The following CDCA2 variants were observed in gnomAD, a reference collection of about 807,000 sequenced individuals.
CDCA2 encodes the protein cell division cycle-associated protein 2.
CDCA2 carries 44 observed loss-of-function variants against 67.0 expected under a neutral mutation model. The ratio of observed to expected loss-of-function variants is 0.66; its 90% CI spans 0.52 to 0.84. The LOEUF (loss-of-function observed/expected upper bound fraction) is 0.84. CDCA2 is among the 40% of genes least tolerant of loss of function. CDCA2 has a pLI of 0.00. For synonymous variants in CDCA2, 447 were observed against 418.7 expected (o/e 1.07, Z -0.82); for missense variants, 1,253 against 1,203.2 (o/e 1.04, Z -0.61).
Position 25,488,645 on chromosome 8 carries a change from C to A in CDCA2, c.1627C>A (p.Gln543Lys). 6.2e-7 allele frequency: 1 copy of A among 1,612,430 alleles called. No homozygotes were observed. Among genetic ancestry groups the A allele is most frequent in the Admixed American group, 1.7e-5 (1 of 59,800 alleles). The change falls in exon 13 of 15, where the codon CAA (glutamine) becomes AAA (lysine). Residue 543 changes from glutamine (Q) to lysine (K), a missense_variant. Coordinates refer to ENST00000330560, the MANE Select transcript of CDCA2 (RefSeq NM_152562.4). ...AAAGAAAATTAATAGGAGGAAGTCT[C>A]AAGAAACAAAGTGTACAAAGAGAGC... ...KEKKINRRKS[Q>K]ETKCTKRALP...
At chr8:25,472,608 C>T (rs950611993) in intron 7 of CDCA2, among the ~76,000 whole-genome samples, 4 of 151,504 alleles carry the variant, frequency 2.6e-5, no homozygotes, top group East Asian at 1.9e-4. Context: ...AAATATCCAA[C>T]GCTCCTTCCT....
At chr8:25,467,525 G>A (rs1292188565) in intron 5 of CDCA2, among the ~76,000 whole-genome samples, 1 of 152,042 alleles carries the variant, frequency 6.6e-6, no homozygotes, top group African/African-American at 2.4e-5. Context: ...GGTACGTTGT[G>A]GTTGTCTTTT....
At chr8:25,460,576 T>G in intron 3 of CDCA2, 22 bp downstream of exon 3, 1 of 1,592,496 alleles carries the variant, frequency 6.3e-7, no homozygotes, top group Non-Finnish European at 8.5e-7. Flanking sequence ...TGTCATTCTG[T>G]TGTAATGCTT....
chr8:25,486,317 G>T (rs1803773187), intron 11 of CDCA2, among the ~76,000 whole-genome samples: 1 of 152,156 alleles, frequency 6.6e-6, no homozygotes, highest in South Asian at 2.1e-4. Context: ...TTAGCTGGCA[G>T]GTGTCATGGG....
Position 25,480,099 on chromosome 8 carries a change from T to A in CDCA2, c.1007T>A (p.Val336Asp), listed in dbSNP as rs921299427. The A allele has an allele frequency of 6.2e-7, 1 of 1,614,184 alleles. No individual in the cohort carries two copies. The highest frequency in any genetic ancestry group is 8.5e-7 in the Non-Finnish European group (1 of 1,180,028). Residue 336 changes from valine to aspartate, a missense_variant, in exon 8 of 15, where the codon GTT (valine) becomes GAT (aspartate). Coordinates refer to ENST00000330560, the MANE Select transcript of CDCA2 (RefSeq NM_152562.4). ...CGTTCTGTACTGAAGAAACCCTCTGTTAAGATGTGTCTAGAGAGCTTACAG... is the reference window on the plus strand; with the variant it reads ...CGTTCTGTACTGAAGAAACCCTCTGATAAGATGTGTCTAGAGAGCTTACAG... ...VLRSVLKKPS[V>D]KMCLESLQEH...
In CDCA2 at chr8:25,507,050, A is replaced by G; in HGVS notation, c.2384A>G (p.Asp795Gly). 6.2e-7 allele frequency: 1 copy of G among 1,613,964 alleles called. No individual in the cohort carries two copies. The highest frequency in any genetic ancestry group is 8.5e-7 in the Non-Finnish European group (1 of 1,179,948). Residue 795 changes from aspartate to glycine, a missense_variant, in exon 15 of 15, where the codon GAT becomes GGT. By Grantham distance (94) the Asp-to-Gly change is moderately conservative (BLOSUM62 -1). Transcript: ENST00000330560. ...CAAAAAGACTGTCATTGTTTAGGAG[A>G]TGTCTTAATTGAAAATACGAAAGAA... ...NSQKDCHCLG[D>G]VLIENTKESK...
At chr8:25,479,672 CA>C (rs1803489953) in intron 7 of CDCA2, 12 of 514,212 alleles carry the variant, frequency 2.3e-5, no homozygotes, top group Middle Eastern at 5.4e-4. Flanking sequence ...CCTGGGGAGC[CA>C]AATCCCCATA....
intron 13 of CDCA2, among the ~76,000 whole-genome samples, chr8:25,494,315 A>T (rs1468908297): frequency 1.3e-5 from 2 of 149,080 alleles, no homozygotes; most frequent in Non-Finnish European, 1.5e-5. Context: ...TATATTACTT[A>T]AAAAAAAAAA....
chr8:25,506,673 T>C lies in CDCA2; in HGVS notation c.2007T>C (p.Leu669=). ...FCSYIKSSSS[L]GNATSDEDPN... is the part of the protein sequence containing the mutation. ...CTTATATAAAAAGTTCCTCATCGCT[T>C]GGCAATGCTACTTCTGATGAAGATC... Residue 669 remains leucine (L), a synonymous_variant, in exon 15 of 15, where the codon CTT becomes CTC. Coordinates refer to ENST00000330560, the MANE Select transcript of CDCA2 (RefSeq NM_152562.4). 6.2e-7 allele frequency: 1 copy of C among 1,613,294 alleles called. No homozygotes were observed. Among genetic ancestry groups the C allele is most frequent in the Non-Finnish European group, 8.5e-7 (1 of 1,179,840 alleles).
intron 3 of CDCA2, 70 bp from the exon 4 acceptor site, chr8:25,461,984 C>A: frequency 6.9e-7 from 1 of 1,444,880 alleles, no homozygotes. Flanking sequence ...GCTGGTACAT[C>A]ACGAGTATTG....
intron 1 of CDCA2, among the ~76,000 whole-genome samples, 185 bp downstream of exon 1, chr8:25,459,658 C>T (rs544825395): frequency 1.3e-5 from 2 of 152,230 alleles, no homozygotes; most frequent in East Asian, 3.9e-4. Context: ...AGAGGGGTAC[C>T]CTTATGATTC....
At chr8:25,464,920 A>G (rs754959419) in intron 4 of CDCA2, among the ~76,000 whole-genome samples, 3 of 152,198 alleles carry the variant, frequency 2.0e-5, no homozygotes, top group Non-Finnish European at 4.4e-5. Flanking sequence ...AAATGTGTGA[A>G]CAGATCACCA....
At chr8:25,497,499 T>TAAAAAAAAA (rs1563281762) in intron 13 of CDCA2, among the ~76,000 whole-genome samples, 1 of 122,644 alleles carries the variant, frequency 8.2e-6, no homozygotes. Context: ...CTTTAAAAAA[T>TAAAAAAAAA]AAAAAATAAA....
At chr8:25,498,677 A>G (rs1240322410) in intron 13 of CDCA2, among the ~76,000 whole-genome samples, 1 of 152,072 alleles carries the variant, frequency 6.6e-6, no homozygotes, top group East Asian at 1.9e-4. Flanking sequence ...GCCGAGATCC[A>G]GACAGCTTTC....
intron 5 of CDCA2, among the ~76,000 whole-genome samples, chr8:25,467,731 T>C (rs1385676464): frequency 1.3e-5 from 2 of 152,200 alleles, no homozygotes; most frequent in Non-Finnish European, 2.9e-5. Context: ...TTCATTCCTT[T>C]CAGTTAGATT....
intron 13 of CDCA2, among the ~76,000 whole-genome samples, chr8:25,489,329 C>G (rs926905709): frequency 3.9e-5 from 6 of 152,178 alleles, no homozygotes; most frequent in South Asian, 4.1e-4. Context: ...GTCCATCCAG[C>G]CTATTCACTC....
chr8:25,474,882 C>G (rs1224690709), intron 7 of CDCA2, among the ~76,000 whole-genome samples: 2 of 151,992 alleles, frequency 1.3e-5, no homozygotes, highest in Non-Finnish European at 2.9e-5. Context: ...GGCTTGCCTC[C>G]CAGCCCAGGG....
chr8:25,488,798 A>T, intron 13 of CDCA2, 109 bp downstream of exon 13: 3 of 1,085,716 alleles, frequency 2.8e-6, no homozygotes, highest in Non-Finnish European at 3.7e-6. Flanking sequence ...TTGGACCAAG[A>T]TTATTAATGC....
At chr8:25,505,822 G>C (rs930989086) in intron 14 of CDCA2, among the ~76,000 whole-genome samples, 1 of 152,134 alleles carries the variant, frequency 6.6e-6, no homozygotes, top group Non-Finnish European at 1.5e-5. Flanking sequence ...CATGTGGGCT[G>C]TGTTACTTAC....
Sources: allele counts gnomAD v4.1 joint callset (sites outside exome capture counted in the v4.1 genomes callset), GRCh38; gene constraint gnomAD v4.1.1; transcripts MANE v1.5; gene names NCBI Gene and HGNC (gene_info 2026-07-23, HGNC 2026-07-21).